BCAN: variants seen among roughly 807,000 people sequenced by gnomAD.
BCAN encodes the protein brevican core protein.
Under a neutral mutation model 92.4 loss-of-function variants are expected in BCAN, and 51 were observed. That is an observed-to-expected ratio of 0.55 (90% confidence interval 0.44 to 0.70). The LOEUF is 0.70. Among genes scored for constraint, BCAN ranks in the 30% least tolerant of loss-of-function variants. The pLI is 0.00. For missense variants in BCAN, 1,140 were observed against 1,212.1 expected, an observed-to-expected ratio of 0.94 and a Z score of 0.88; for synonymous variants, 501 against 505.2, an observed-to-expected ratio of 0.99 and a Z score of 0.11.
At chr1:156,656,827 C>A in intron 9 of BCAN, 111 bp from the exon 10 acceptor site, 1 of 1,454,124 alleles carries the variant, frequency 6.9e-7, no homozygotes, top group East Asian at 2.4e-5. Context: ...CTCCTGTCCC[C>A]CTTAGTCCCG....
Position 156,658,918 on chromosome 1 carries a change from T to C in BCAN, c.2629-109T>C. On this transcript the variant is annotated intron_variant, in intron 13 of 13. Coordinates refer to ENST00000329117, the MANE Select transcript of BCAN (RefSeq NM_021948.5). The surrounding 1 kb of genome is among the most constrained non-coding windows in gnomAD (Gnocchi z 4.4). The stretch of plus-strand genomic sequence containing the variant: ...CCTTCAGTGCTGATGTCTGATAACA[T>C]GCAGCCCCATTCTGGGCTCTTACGG... The C allele has an allele frequency of 1.5e-6, 2 of 1,310,858 alleles. No individual in the cohort carries two copies. The highest frequency in any genetic ancestry group is 1.3e-5 in the South Asian group (1 of 78,606). 81.2% of individuals were successfully genotyped at this position (1,310,858 alleles called of 1,614,324 possible).
At chr1:156,657,259 C>A in intron 10 of BCAN, 163 bp downstream of exon 10, 1 of 990,312 alleles carries the variant, frequency 1.0e-6, no homozygotes, top group Non-Finnish European at 1.5e-6. Context: ...TCTCTCCCTT[C>A]CCACCCTACG....
rs745457611 is a variant in BCAN, at chr1:156,657,745, T to C, written c.2280T>C (p.Asp760=). ...TCGAAGGCGACTTCTTGTGGTCGGATGGCGTCCCCCTGGTGAGAGGCCCCA... is the reference window on the plus strand; with the variant it reads ...TCGAAGGCGACTTCTTGTGGTCGGACGGCGTCCCCCTGGTGAGAGGCCCCA... The part of the protein sequence containing the change: ...RTIEGDFLWS[D]GVPLLYENWN... The change falls in exon 11 of 14, where the codon GAT becomes GAC. Residue 760 remains aspartate (D), a synonymous_variant. Coordinates refer to ENST00000329117, the MANE Select transcript of BCAN (RefSeq NM_021948.5). 1 of 1,612,078 alleles carries C rather than the reference T, an allele frequency of 6.2e-7. No homozygotes were observed. Among genetic ancestry groups the C allele is most frequent in the African/African-American group, 1.3e-5 (1 of 74,732 alleles).
chr1:156,647,040 C>T lies in BCAN; in HGVS notation c.331C>T (p.Pro111Ser). The T allele has an allele frequency of 6.2e-7, 1 of 1,612,240 alleles. No homozygotes were observed. The highest frequency in any genetic ancestry group is 8.5e-7 in the Non-Finnish European group (1 of 1,178,920). The part of the protein sequence containing the change: ...NEAYRFRVAL[P>S]AYPASLTDVS... ...GGCCTACCGGTTCCGCGTGGCACTGCCTGCGTACCCAGCGTCGCTCACCGA... is the reference window on the plus strand; with the variant it reads ...GGCCTACCGGTTCCGCGTGGCACTGTCTGCGTACCCAGCGTCGCTCACCGA... Residue 111 changes from proline to serine, a missense_variant, in exon 3 of 14, where the codon CCT becomes TCT. Coordinates refer to ENST00000329117, the MANE Select transcript of BCAN (RefSeq NM_021948.5). This position sits in a 1 kb window ranked among gnomAD's most constrained non-coding sequence, Gnocchi z 4.8.
chr1:156,657,999 C>T (rs1679394380), intron 11 of BCAN, 128 bp from the exon 12 acceptor site: 2 of 1,131,092 alleles, frequency 1.8e-6, no homozygotes, highest in Non-Finnish European at 1.3e-6. Context: ...CCGGGAGATC[C>T]CCTACCCCCT....
Position 156,654,961 on chromosome 1 carries a change from G to C in BCAN, c.1943-1321G>C, listed in dbSNP as rs528287880. On this transcript the variant is annotated intron_variant, in intron 8 of 13. Transcript: ENST00000329117. Reference sequence around the variant, plus strand: ...AGCAAAATTCTTTGAATCCACTCCAGCTTCTCCTCTCTCCACCCCTACTGA... The same window carrying C: ...AGCAAAATTCTTTGAATCCACTCCACCTTCTCCTCTCTCCACCCCTACTGA... Among the ~76,000 whole-genome samples the C allele has an allele frequency of 2.6e-5, 4 of 152,352 alleles. No homozygotes were observed. In the East Asian group the frequency reaches 7.7e-4, roughly 29 times the overall value.
chr1:156,656,384 A>G lies in BCAN; in HGVS notation c.2045A>G (p.Asp682Gly). The G allele has an allele frequency of 7.3e-7, 1 of 1,360,948 alleles. No individual in the cohort carries two copies. Among genetic ancestry groups the G allele is most frequent in the Non-Finnish European group, 9.5e-7 (1 of 1,051,040 alleles). 84.3% of individuals were successfully genotyped at this position (1,360,948 alleles called of 1,614,324 possible). A position where few individuals can be genotyped will look rare whatever the true frequency, so the allele number is the denominator to read the frequency against. ...CCTGGCTATGGGGGGGACCTGTGCG[A>G]TGTTGGTGAGTGTTGAGGGACGGGG... ...CLPGYGGDLC[D>G]VGLRFCNPGW... Residue 682 changes from aspartate to glycine, a missense_variant, in exon 9 of 14, where the codon GAT (aspartate) becomes GGT (glycine). By Grantham distance (94) the Asp-to-Gly change is moderately conservative. Transcript: ENST00000329117.
Position 156,652,826 on chromosome 1 carries a change from C to T in BCAN, c.1876C>T (p.Gln626Ter). 2 of 1,613,810 alleles carry T rather than the reference C, an allele frequency of 1.2e-6. No homozygotes were observed. Among genetic ancestry groups the T allele is most frequent in the Non-Finnish European group, 1.7e-6 (2 of 1,179,972 alleles). ...AACTGCCCCAGCAGGGACCTCAGTG[C>T]AGGCCCAGCCAGTGCTGCCCACTGA... ...GRTAPAGTSV[Q>*]AQPVLPTDSA... is the part of the protein sequence containing the mutation. The change falls in exon 8 of 14, where the codon CAG (glutamine) becomes TAG (stop). Residue 626 changes from glutamine (Q) to a stop codon, truncating the protein, a stop_gained. Coordinates refer to ENST00000329117, the MANE Select transcript of BCAN (RefSeq NM_021948.5). LOFTEE classifies it high-confidence loss of function.
At position 156,646,947 on chromosome 1, in the gene BCAN, A is replaced by G. The variant is rs1262277397; in HGVS notation, c.238A>G (p.Thr80Ala). 2.5e-6 allele frequency: 4 copies of G among 1,612,710 alleles called. No homozygotes were observed. The South Asian group carries it at 4.4e-5, about 18-fold the overall frequency. The change falls in exon 3 of 14, where the codon ACT becomes GCT. Residue 80 changes from threonine to alanine, a missense_variant. Physicochemically the swap from Thr to Ala is moderately conservative, Grantham distance 58 (BLOSUM62 0). Coordinates refer to ENST00000329117, the MANE Select transcript of BCAN (RefSeq NM_021948.5). ...AVLGSPRVKW[T>A]FLSRGREAEV... ...GCTGGGCTCTCCGCGGGTCAAGTGG[A>G]CTTTCCTGTCCCGGGGCCGGGAGGC...
chr1:156,655,274 G>C (rs536503436), intron 8 of BCAN, among the ~76,000 whole-genome samples: 2 of 152,360 alleles, frequency 1.3e-5, no homozygotes, highest in South Asian at 4.1e-4. Flanking sequence ...CCAGGATACA[G>C]AGAGAAAAAG....
chr1:156,654,461 A>G (rs551657344), intron 8 of BCAN, among the ~76,000 whole-genome samples: 9 of 152,278 alleles, frequency 5.9e-5, no homozygotes, highest in African/African-American at 2.2e-4. Flanking sequence ...GGTAAGTGAG[A>G]GGTCTCCTTG....
chr1:156,658,603 G>C lies in BCAN; in HGVS notation c.2498G>C (p.Arg833Pro), dbSNP rs377028062. Residue 833 changes from arginine to proline, a missense_variant, in exon 13 of 14, where the codon CGC (arginine) becomes CCC (proline). Around this residue, in one of 3 missense-constraint regions of BCAN, gnomAD observed 825 missense variants for 871.8 expected, o/e 0.95. Coordinates refer to ENST00000329117, the MANE Select transcript of BCAN (RefSeq NM_021948.5). The surrounding 1 kb of genome is among the most constrained non-coding windows in gnomAD (Gnocchi z 4.4). Reference sequence around the variant, plus strand: ...CAAGTGTTCGGCCGCCCACGGCTGCGCTATGAGGTGGACACTGTGCTTCGC... The same window carrying C: ...CAAGTGTTCGGCCGCCCACGGCTGCCCTATGAGGTGGACACTGTGCTTCGC... The part of the protein sequence containing the change: ...LAQVFGRPRL[R>P]YEVDTVLRYR... The C allele has an allele frequency of 6.2e-7, 1 of 1,613,970 alleles. No homozygotes were observed. The highest frequency in any genetic ancestry group is 8.5e-7 in the Non-Finnish European group (1 of 1,180,066).
rs1025104600 is a variant in BCAN at position 156,657,261 on chromosome 1, C to T, written c.2209+165C>T. On this transcript the variant is annotated intron_variant, in intron 10 of 13. Coordinates refer to ENST00000329117, the MANE Select transcript of BCAN (RefSeq NM_021948.5). Reference sequence around the variant, plus strand: ...CCCCTTCTCATTCTCTCTCCCTTCCCACCCTACGCTTAGGCAGTGGCCTTC... The same window carrying T: ...CCCCTTCTCATTCTCTCTCCCTTCCTACCCTACGCTTAGGCAGTGGCCTTC... 2.6e-5 allele frequency: 26 copies of T among 987,286 alleles called. No individual in the cohort carries two copies. The East Asian group carries it at 4.8e-4, about 18-fold the overall frequency. The allele number at this position is 987,286 out of a possible 1,614,324, so 61.2% of individuals were successfully genotyped here.
rs2102575677 is a variant in BCAN, at chr1:156,659,378, C to T, written c.*244C>T. The stretch of plus-strand genomic sequence containing the variant: ...GGCCGGAGTAAATCCCTAAGTGCCT[C>T]AACTGCCCTCTCCCTGGCAGCCATC... On this transcript the variant is annotated 3_prime_UTR_variant, in exon 14 of 14. Coordinates refer to ENST00000329117, the MANE Select transcript of BCAN (RefSeq NM_021948.5). 1.9e-6 allele frequency: 1 copy of T among 513,548 alleles called. No homozygotes were observed. The highest frequency in any genetic ancestry group is 2.0e-5 in the African/African-American group (1 of 50,664). 31.8% of individuals were successfully genotyped at this position (513,548 alleles called of 1,614,324 possible). A position where few individuals can be genotyped will look rare whatever the true frequency, so the allele number is the denominator to read the frequency against.
At chr1:156,652,213 T>C (rs1427014910) in intron 7 of BCAN, 35 bp from the exon 8 acceptor site, 1 of 1,542,926 alleles carries the variant, frequency 6.5e-7, no homozygotes, top group Non-Finnish European at 8.7e-7. Context: ...GGACAGACGC[T>C]GTCCCTGGTG....
rs878967725 is a variant in BCAN, at chr1:156,658,854, G to C, written c.2628+121G>C. ...CTTGGAGCCATCACTGCCCCTCTCT[G>C]AGGCAAAGGGGAAGAGGTGGGCTGG... On this transcript the variant is annotated intron_variant, in intron 13 of 13. Coordinates refer to ENST00000329117, the MANE Select transcript of BCAN (RefSeq NM_021948.5). The surrounding 1 kb of genome is among the most constrained non-coding windows in gnomAD (Gnocchi z 4.4). The C allele has an allele frequency of 2.4e-5, 35 of 1,448,592 alleles. 1 individual carries two copies. The South Asian group carries it at 4.0e-4, about 16-fold the overall frequency. 89.7% of individuals were successfully genotyped at this position (1,448,592 alleles called of 1,614,324 possible).
chr1:156,644,873 A>C (rs2102553288), intron 1 of BCAN: 1 of 152,382 alleles, frequency 6.6e-6, no homozygotes, highest in East Asian at 1.9e-4. Context: ...TTGCTGCATC[A>C]TTGGCCTATT....
chr1:156,651,727 A>G (rs1186626109), intron 7 of BCAN, 38 bp downstream of exon 7: 1 of 1,550,564 alleles, frequency 6.4e-7, no homozygotes, highest in East Asian at 2.3e-5. Context: ...GTCTTGATTG[A>G]AAGAAGTTGG....
At chr1:156,645,460 A>G (rs928819292) in intron 1 of BCAN, among the ~76,000 whole-genome samples, 7 of 152,144 alleles carry the variant, frequency 4.6e-5, no homozygotes, top group Non-Finnish European at 8.8e-5. Flanking sequence ...GCTCAGGAGA[A>G]GCTGTGCTTA....
Sources: gnomAD v4.1 joint callset for allele counts (sites outside exome capture counted in the v4.1 genomes callset) on GRCh38, gnomAD v4.1.1 for gene constraint, gnomAD v4.1.1 regional missense constraint, Gnocchi (gnomAD v3.1) non-coding constraint, MANE v1.5 for transcripts, NCBI Gene and HGNC (gene_info 2026-07-23, HGNC 2026-07-21) for gene names.